The following RTN4RL1 variants were observed in gnomAD, a reference collection of about 807,000 sequenced individuals.
RTN4RL1 encodes reticulon 4 receptor like 1.
Under a neutral mutation model 25.6 loss-of-function variants are expected in RTN4RL1, and 7 were observed. The observed-to-expected ratio is 0.27, with a 90% confidence interval of 0.16 to 0.51. The LOEUF is 0.51. Ranked by LOEUF, RTN4RL1 falls within the 20% of genes least tolerant of loss-of-function variation. The pLI, the probability that RTN4RL1 is intolerant of heterozygous loss-of-function variation, is 0.97. For synonymous variants in RTN4RL1, 297 were observed against 288.2 expected, an observed-to-expected ratio of 1.03 and a Z score of -0.31; for missense variants, 500 against 615.6, an observed-to-expected ratio of 0.81 and a Z score of 1.99.
At position 1,936,097 on chromosome 17, in the gene RTN4RL1, C is replaced by T; in HGVS notation, c.*399G>A. ...GAGCCTCATTTGTTCTTCTCTGCGT[C>T]CTGCTTTCTCCAGGAACCACGGGGC... On this transcript the variant is annotated 3_prime_UTR_variant, in exon 2 of 2. Transcript: ENST00000331238. 9.8e-7 allele frequency: 1 copy of T among 1,017,934 alleles called. No homozygotes were observed. The highest frequency in any genetic ancestry group is 1.7e-5 in the African/African-American group (1 of 58,258). 63.1% of individuals were successfully genotyped at this position (1,017,934 alleles called of 1,614,324 possible). A position where few individuals can be genotyped will look rare whatever the true frequency, so the allele number is the denominator to read the frequency against.
At chr17:2,023,929 G>A (rs943680762) in intron 1 of RTN4RL1, among the ~76,000 whole-genome samples, 3 of 152,120 alleles carry the variant, frequency 2.0e-5, no homozygotes, top group Non-Finnish European at 4.4e-5. Context: ...CCAGGCGCGG[G>A]GGGGATCCCG....
At chr17:1,943,335 G>A (rs1915477772) in intron 1 of RTN4RL1, among the ~76,000 whole-genome samples, 1 of 152,228 alleles carries the variant, frequency 6.6e-6, no homozygotes, top group Non-Finnish European at 1.5e-5. Context: ...CCTCCACGAA[G>A]GGCTGGTTGG....
At chr17:1,993,453 T>C (rs2066917969) in intron 1 of RTN4RL1, among the ~76,000 whole-genome samples, 1 of 152,200 alleles carries the variant, frequency 6.6e-6, no homozygotes, top group Non-Finnish European at 1.5e-5. Context: ...TCATCACCTG[T>C]GAAATGGGCT....
At chr17:2,024,042 C>T (rs1006378452) in intron 1 of RTN4RL1, among the ~76,000 whole-genome samples, 3 of 152,182 alleles carry the variant, frequency 2.0e-5, no homozygotes, top group Non-Finnish European at 2.9e-5. Flanking sequence ...ATCACCTGCC[C>T]TCCCAGGGCC....
At chr17:2,021,279 C>G (rs1384403174) in intron 1 of RTN4RL1, among the ~76,000 whole-genome samples, 1 of 152,164 alleles carries the variant, frequency 6.6e-6, no homozygotes, top group African/African-American at 2.4e-5. Context: ...CTCCGCCTTC[C>G]TCCTCCTCTG....
rs566553225 is a variant in RTN4RL1, at chr17:1,969,058, CT to C, written c.14-31251del. On this transcript the variant is annotated intron_variant, in intron 1 of 1. Coordinates refer to ENST00000331238, the MANE Select transcript of RTN4RL1 (RefSeq NM_178568.4). ...TCGTGGGGGAGCTGGACCACTGTCC[CT>C]TTTTTTTTTTTTTTTTTGAGATGGA... Among the ~76,000 whole-genome samples the C allele has an allele frequency of 8.8e-4, 91 of 103,890 alleles. 1 individual carries two copies. The highest frequency in any genetic ancestry group is 0.012 in the Middle Eastern group (2 of 162). The allele number at this position is 103,890 out of a possible 152,430, so 68.2% of individuals were successfully genotyped here. A position where few individuals can be genotyped will look rare whatever the true frequency, so the allele number is the denominator to read the frequency against.
intron 1 of RTN4RL1, among the ~76,000 whole-genome samples, chr17:1,993,602 G>C (rs2066918463): frequency 1.3e-5 from 2 of 152,086 alleles, no homozygotes; most frequent in African/African-American, 4.8e-5. Context: ...TATGTAAAGT[G>C]TCTGGCACAT....
chr17:1,967,578 C>A lies in RTN4RL1; in HGVS notation c.14-29770G>T, dbSNP rs181661801. 3.0e-4 allele frequency among the ~76,000 whole-genome samples: 46 copies of A among 152,274 alleles called. No homozygotes were observed. The East Asian group carries it at 8.9e-3, about 29-fold the overall frequency. On this transcript the variant is annotated intron_variant, in intron 1 of 1. Transcript: ENST00000331238. ...TTCGAGCCCTACACCTGGAATTCTA[C>A]CCCTCCTCCCAGACAGCCATGCAGA...
intron 1 of RTN4RL1, among the ~76,000 whole-genome samples, chr17:1,993,835 T>C (rs113447210): frequency 0.049 from 7,405 of 151,554 alleles, 242 homozygotes; most frequent in Middle Eastern, 0.078. Context: ...TGCAAATTGC[T>C]CAGCCCCTGT....
In RTN4RL1 at chr17:1,964,788, C is replaced by CT. The variant is rs34138766; in HGVS notation, c.14-26981dup. On this transcript the variant is annotated intron_variant, in intron 1 of 1. Coordinates refer to ENST00000331238, the MANE Select transcript of RTN4RL1 (RefSeq NM_178568.4). The stretch of plus-strand genomic sequence containing the variant: ...TTACAGTTTGCATTTCTTTTCTTTT[C>CT]TTTTTTTTTTTTTTTTTTGAGATGG... 9.2e-3 allele frequency among the ~76,000 whole-genome samples: 1,152 copies of CT among 124,692 alleles called. 25 individuals are homozygous for CT. Among genetic ancestry groups the CT allele is most frequent in the African/African-American group, 0.025 (834 of 33,446 alleles). 81.8% of individuals were successfully genotyped at this position (124,692 alleles called of 152,430 possible).
intron 1 of RTN4RL1, chr17:2,018,901 G>C (rs2067162588): frequency 6.6e-6 from 1 of 152,372 alleles, no homozygotes; most frequent in South Asian, 2.1e-4. Context: ...GTGGGGAAGA[G>C]CAGGTTATTG....
intron 1 of RTN4RL1, 52 bp from the exon 2 acceptor site, chr17:1,937,860 G>GGCACC: frequency 7.2e-7 from 1 of 1,396,750 alleles, no homozygotes; most frequent in Non-Finnish European, 9.8e-7. Flanking sequence ...GGTGAGGACT[G>GGCACC]GCACCGCACC....
chr17:1,959,795 C>G (rs146001694), intron 1 of RTN4RL1, among the ~76,000 whole-genome samples: 2 of 152,240 alleles, frequency 1.3e-5, no homozygotes, highest in East Asian at 1.9e-4. Flanking sequence ...GAACTCCTGA[C>G]CTCGTGATCC....
chr17:1,974,931 C>A (rs527977880), intron 1 of RTN4RL1, among the ~76,000 whole-genome samples: 2 of 152,198 alleles, frequency 1.3e-5, no homozygotes, highest in East Asian at 1.9e-4. Context: ...TGGGAAGGAA[C>A]AAGCCTGCAC....
chr17:1,979,695 T>A (rs35528353), intron 1 of RTN4RL1, among the ~76,000 whole-genome samples: 81,701 of 151,942 alleles, frequency 0.54, 22,126 homozygotes, highest in Middle Eastern at 0.62. Context: ...GCGCACCTGC[T>A]ATTCAGCAGG....
chr17:1,993,625 A>G (rs954341744), intron 1 of RTN4RL1, among the ~76,000 whole-genome samples: 8 of 152,116 alleles, frequency 5.3e-5, no homozygotes, highest in African/African-American at 1.7e-4. Context: ...TAACGGTTCA[A>G]TAAAGCATCC....
At chr17:2,006,334 A>G (rs757790639) in intron 1 of RTN4RL1, among the ~76,000 whole-genome samples, 14 of 151,166 alleles carry the variant, frequency 9.3e-5, no homozygotes, top group South Asian at 4.2e-4. Context: ...ATTTTTTTGT[A>G]TTTTTAGTAG....
In RTN4RL1 at chr17:1,994,888, A is replaced by C. The variant is rs1267445836; in HGVS notation, c.13+29965T>G. Among the ~76,000 whole-genome samples, 1 of 151,946 alleles carries C rather than the reference A, an allele frequency of 6.6e-6. No individual in the cohort carries two copies. The highest frequency in any genetic ancestry group is 1.5e-5 in the Non-Finnish European group (1 of 67,972). ...CGAGGTGGGAGGACTGCTTGAAGCCAGGAGTTCAAGACCAACCTGGCCAAC... is the reference window on the plus strand; with the variant it reads ...CGAGGTGGGAGGACTGCTTGAAGCCCGGAGTTCAAGACCAACCTGGCCAAC... On this transcript the variant is annotated intron_variant, in intron 1 of 1. Transcript: ENST00000331238. This position sits in a 1 kb window ranked among gnomAD's most constrained non-coding sequence, Gnocchi z 4.3.
chr17:2,005,352 A>C (rs2066985842), intron 1 of RTN4RL1, among the ~76,000 whole-genome samples: 1 of 152,160 alleles, frequency 6.6e-6, no homozygotes, highest in South Asian at 2.1e-4. Context: ...TCACAACTCT[A>C]AAGATAGGCA....
Sources: gnomAD v4.1 joint callset for allele counts (sites outside exome capture counted in the v4.1 genomes callset) on GRCh38, gnomAD v4.1.1 for gene constraint, Gnocchi (gnomAD v3.1) non-coding constraint, MANE v1.5 for transcripts, NCBI Gene and HGNC (gene_info 2026-07-23, HGNC 2026-07-21) for gene names.